Variants in LRCH3 observed in about 807,000 individuals in gnomAD.
The protein encoded by LRCH3 is leucine rich repeats and calponin homology domain containing 3.
Under a neutral mutation model 104.5 loss-of-function variants are expected in LRCH3, and 68 were observed. That is an observed-to-expected ratio of 0.65 (90% CI 0.54 to 0.80). The LOEUF is 0.80. LRCH3 is among the 30% of genes least tolerant of loss of function. LRCH3 has a pLI of 0.00. For missense variants in LRCH3, 951 were observed against 953.9 expected (o/e 1.00, Z 0.04); for synonymous variants, 344 against 361.3 (o/e 0.95, Z 0.54).
chr3:197,874,392 G>A (rs1302383233), intron 19 of LRCH3, among the ~76,000 whole-genome samples: 1 of 152,222 alleles, frequency 6.6e-6, no homozygotes, highest in Non-Finnish European at 1.5e-5. Flanking sequence ...CTCCTTATGA[G>A]AATCTAATGC....
chr3:197,798,776 T>A (rs962706808), intron 1 of LRCH3, among the ~76,000 whole-genome samples: 4 of 152,216 alleles, frequency 2.6e-5, no homozygotes, highest in African/African-American at 7.2e-5. Flanking sequence ...ATATGCACTA[T>A]GAATTTTTCT....
At position 197,830,838 on chromosome 3, in the gene LRCH3, G is replaced by A. The variant is rs2109279742; in HGVS notation, c.956G>A (p.Gly319Asp). ...TCAGGCTTCAATAGTGTGGACAGTG[G>A]TGATAAGAGATGGTCAGGGAATGAA... The part of the protein sequence containing the change: ...LDSGFNSVDS[G>D]DKRWSGNEPT... Residue 319 changes from glycine (G) to aspartate (D), a missense_variant, in exon 7 of 21, where the codon GGT (glycine) becomes GAT (aspartate). Gly to Asp is a moderately conservative substitution (Grantham distance 94). Coordinates refer to ENST00000425562, the MANE Select transcript of LRCH3 (RefSeq NM_001365715.1). The A allele has an allele frequency of 1.2e-6, 2 of 1,614,052 alleles. No individual in the cohort carries two copies. Among genetic ancestry groups the A allele is most frequent in the Non-Finnish European group, 1.7e-6 (2 of 1,179,928 alleles).
At position 197,791,383 on chromosome 3, in the gene LRCH3, G is replaced by T; in HGVS notation, c.105G>T (p.Gly35=). ...GTGTTCACTGCGGCCCAAGCTCCGGGGCAGGCCCTGGTTTTGGCCCGGGCT... is the reference window on the plus strand; with the variant it reads ...GTGTTCACTGCGGCCCAAGCTCCGGTGCAGGCCCTGGTTTTGGCCCGGGCT... ...LPGVHCGPSS[G]AGPGFGPGSW... Residue 35 remains glycine, a synonymous_variant, in exon 1 of 21, where the codon GGG becomes GGT. Coordinates refer to ENST00000425562, the MANE Select transcript of LRCH3 (RefSeq NM_001365715.1). 1 of 1,597,296 alleles carries T rather than the reference G, an allele frequency of 6.3e-7. No individual in the cohort carries two copies. The highest frequency in any genetic ancestry group is 8.5e-7 in the Non-Finnish European group (1 of 1,173,508).
chr3:197,825,463 G>A (rs1275889115), intron 4 of LRCH3, among the ~76,000 whole-genome samples: 41 of 29,406 alleles, frequency 1.4e-3, no homozygotes, highest in African/African-American at 4.5e-3. Flanking sequence ...GATCCTCTTT[G>A]ATTTTTTTTT....
intron 18 of LRCH3, 58 bp downstream of exon 18, chr3:197,870,336 C>T (rs1056955979): frequency 4.1e-6 from 6 of 1,467,844 alleles, no homozygotes; most frequent in Non-Finnish European, 5.6e-6. Flanking sequence ...GATCATAATC[C>T]TGTGATCACG....
intron 5 of LRCH3, among the ~76,000 whole-genome samples, chr3:197,828,281 G>A (rs1333992233): frequency 6.6e-6 from 1 of 152,118 alleles, no homozygotes; most frequent in Non-Finnish European, 1.5e-5. Context: ...AGCTTTACAT[G>A]TAGATGCTGG....
intron 1 of LRCH3, among the ~76,000 whole-genome samples, chr3:197,800,675 A>G (rs1286155944): frequency 6.6e-6 from 1 of 152,238 alleles, no homozygotes; most frequent in Non-Finnish European, 1.5e-5. Flanking sequence ...TAAATCTCTC[A>G]GAGAAAGTTG....
rs570308809 is a variant in LRCH3, at chr3:197,848,144, T to C, written c.1530+123T>C. 5.1e-5 allele frequency: 45 copies of C among 878,388 alleles called. No homozygotes were observed. In the African/African-American group the frequency reaches 7.3e-4, roughly 14 times the overall value. The allele number at this position is 878,388 out of a possible 1,614,324, so 54.4% of individuals were successfully genotyped here. A position where few individuals can be genotyped will look rare whatever the true frequency, so the allele number is the denominator to read the frequency against. On this transcript the variant is annotated intron_variant, in intron 12 of 20. Transcript: ENST00000425562. The stretch of plus-strand genomic sequence containing the variant: ...CCATTTTTCTCTCTGTAAGGAATCT[T>C]GACTAAATAGAGTGTCTCTTTTACT...
chr3:197,814,760 G>T, intron 1 of LRCH3, 148 bp from the exon 2 acceptor site: 1 of 565,788 alleles, frequency 1.8e-6, no homozygotes, highest in Non-Finnish European at 3.0e-6. Context: ...TACGATCTTT[G>T]ATATAATTTG....
rs13061183 is a variant in LRCH3, at chr3:197,879,552, G to C, written c.2208+3777G>C. ...TCCCAGCTGCTCGGGAGGCTGAGGC[G>C]GGAGAATGGCGGGAACCCGGGAGGC... On this transcript the variant is annotated intron_variant, in intron 20 of 20. Transcript: ENST00000425562. Among the ~76,000 whole-genome samples, 57 of 148,470 alleles carry C rather than the reference G, an allele frequency of 3.8e-4. 1 individual carries two copies. Among genetic ancestry groups the C allele is most frequent in the South Asian group, 1.2e-3 (6 of 4,822 alleles).
In LRCH3 at chr3:197,791,558, C is replaced by T; in HGVS notation, c.262+18C>T. 3 of 1,520,642 alleles carry T rather than the reference C, an allele frequency of 2.0e-6. No homozygotes were observed. The highest frequency in any genetic ancestry group is 2.6e-6 in the Non-Finnish European group (3 of 1,143,678). The allele number at this position is 1,520,642 out of a possible 1,614,324, so 94.2% of individuals were successfully genotyped here. ...CCGGGCGGGTGAGCGGGGCGGGGGG[C>T]GTCTCTGCCCGTCGGAGACCCGGCG... is the stretch of plus-strand genomic sequence containing the variant. On this transcript the variant is annotated intron_variant, in intron 1 of 20. Transcript: ENST00000425562.
chr3:197,858,936 G>A (rs771625933), intron 15 of LRCH3, 31 bp downstream of exon 15: 3 of 1,559,784 alleles, frequency 1.9e-6, no homozygotes, highest in South Asian at 1.1e-5. Flanking sequence ...TCACCAGGAA[G>A]TTTGGGGAGG....
At chr3:197,808,317 C>A (rs923195953) in intron 1 of LRCH3, among the ~76,000 whole-genome samples, 1 of 152,202 alleles carries the variant, frequency 6.6e-6, no homozygotes, top group Non-Finnish European at 1.5e-5. Flanking sequence ...AGACTTCTAG[C>A]CTCCAGAATT....
At chr3:197,829,004 C>T (rs758871917) in intron 5 of LRCH3, among the ~76,000 whole-genome samples, 7 of 152,088 alleles carry the variant, frequency 4.6e-5, no homozygotes, top group Non-Finnish European at 8.8e-5. Context: ...CCACTGTGCC[C>T]GGCGGCATAT....
chr3:197,844,530 A>G (rs1458521200), intron 10 of LRCH3, among the ~76,000 whole-genome samples: 1 of 152,040 alleles, frequency 6.6e-6, no homozygotes, highest in Non-Finnish European at 1.5e-5. Flanking sequence ...TGCTGGGATT[A>G]AAAGCATGAG....
At chr3:197,850,830 C>T (rs1441845738) in intron 12 of LRCH3, 5 of 1,081,774 alleles carry the variant, frequency 4.6e-6, no homozygotes, top group African/African-American at 3.1e-5. Flanking sequence ...CGTGGCTTTT[C>T]GTATATGCAT....
chr3:197,830,395 G>A (rs1178565380), intron 6 of LRCH3, among the ~76,000 whole-genome samples: 1 of 152,166 alleles, frequency 6.6e-6, no homozygotes, highest in Non-Finnish European at 1.5e-5. Flanking sequence ...CTTTAAACAA[G>A]CAGGATAGAT....
chr3:197,887,103 C>T lies in LRCH3; in HGVS notation c.*3437C>T, dbSNP rs535314224. 1 of 152,146 alleles carries T rather than the reference C, an allele frequency of 6.6e-6. No homozygotes were observed. Among genetic ancestry groups the T allele is most frequent in the Admixed American group, 6.5e-5 (1 of 15,286 alleles). 9.4% of individuals were successfully genotyped at this position (152,146 alleles called of 1,614,324 possible). On this transcript the variant is annotated 3_prime_UTR_variant, in exon 21 of 21. Transcript: ENST00000425562. ...TTTTTTTTCTCTTTTTTCAAACCCTCTGCAGAGGTAGGAAGGTATGAATTT... is the reference window on the plus strand; with the variant it reads ...TTTTTTTTCTCTTTTTTCAAACCCTTTGCAGAGGTAGGAAGGTATGAATTT...
intron 15 of LRCH3, among the ~76,000 whole-genome samples, chr3:197,861,089 C>T (rs1188822716): frequency 6.6e-6 from 1 of 151,794 alleles, no homozygotes; most frequent in Admixed American, 6.6e-5. Flanking sequence ...TCTCATGCCT[C>T]AGGCTTCCGA....
Sources: gnomAD v4.1 joint callset for allele counts (sites outside exome capture counted in the v4.1 genomes callset) on GRCh38, gnomAD v4.1.1 for gene constraint, MANE v1.5 for transcripts, NCBI Gene and HGNC (gene_info 2026-07-23, HGNC 2026-07-21) for gene names.